SORT1: variants seen among roughly 807,000 people sequenced by gnomAD.
SORT1 encodes sortilin.
Under a neutral mutation model 101.7 loss-of-function variants are expected in SORT1, and 39 were observed. That is an observed-to-expected ratio of 0.38 (90% CI 0.30 to 0.50). The LOEUF is 0.50. Ranked by LOEUF, SORT1 falls within the 20% of genes least tolerant of loss-of-function variation. SORT1 has a pLI of 0.90. For synonymous variants in SORT1, 396 were observed against 393.7 expected, an observed-to-expected ratio of 1.01 and a Z score of -0.07; for missense variants, 878 against 1,040.4, an observed-to-expected ratio of 0.84 and a Z score of 2.15.
At chr1:109,326,510 C>CATATAT (rs34942536) in intron 13 of SORT1, among the ~76,000 whole-genome samples, 2 of 132,682 alleles carry the variant, frequency 1.5e-5, no homozygotes, top group African/African-American at 5.8e-5. Context: ...TATATACACA[C>CATATAT]ATACACATAT....
rs1184932557 is a variant in SORT1, at chr1:109,355,651, C to CA, written c.441-183_441-182insT. Among the ~76,000 whole-genome samples the CA allele has an allele frequency of 5.1e-5, 7 of 137,056 alleles. 1 individual carries two copies. Among genetic ancestry groups the CA allele is most frequent in the East Asian group, 5.3e-4 (2 of 3,748 alleles). 89.9% of individuals were successfully genotyped at this position (137,056 alleles called of 152,430 possible). On this transcript the variant is annotated intron_variant, in intron 3 of 19. Coordinates refer to ENST00000256637, the MANE Select transcript of SORT1 (RefSeq NM_002959.7). ...TCCGAAGAACATTCCACCCGCCCCCCCCCCCACAAACCCACTCACCAGTGA... is the reference window on the plus strand; with the variant it reads ...TCCGAAGAACATTCCACCCGCCCCCCACCCCCACAAACCCACTCACCAGTGA...
intron 11 of SORT1, among the ~76,000 whole-genome samples, chr1:109,330,891 T>C (rs935829964): frequency 3.9e-5 from 6 of 152,132 alleles, no homozygotes; most frequent in Non-Finnish European, 5.9e-5. Context: ...TCTAGACATA[T>C]ACAGCTTACC....
At chr1:109,376,779 G>T (rs1651885856) in intron 1 of SORT1, among the ~76,000 whole-genome samples, 1 of 152,012 alleles carries the variant, frequency 6.6e-6, no homozygotes, top group South Asian at 2.1e-4. Context: ...CTAACTTTTG[G>T]GTACTATGTT....
At chr1:109,323,789 G>A (rs1570893938) in intron 14 of SORT1, among the ~76,000 whole-genome samples, 1 of 152,222 alleles carries the variant, frequency 6.6e-6, no homozygotes, top group Admixed American at 6.5e-5. Context: ...CTAAAGAGCA[G>A]GTGCTTAACA....
intron 8 of SORT1, among the ~76,000 whole-genome samples, chr1:109,343,691 C>T (rs1649383502): frequency 6.6e-6 from 1 of 152,096 alleles, no homozygotes; most frequent in Non-Finnish European, 1.5e-5. Flanking sequence ...CTCTGTTTCC[C>T]AGGCTGGAGT....
At chr1:109,341,018 A>G in intron 9 of SORT1, 139 bp from the exon 10 acceptor site, 1 of 639,756 alleles carries the variant, frequency 1.6e-6, no homozygotes, top group Non-Finnish European at 2.6e-6. Context: ...CTCAGACCTG[A>G]GAATTAATCA....
chr1:109,363,332 G>A (rs1650859553), intron 3 of SORT1, among the ~76,000 whole-genome samples: 2 of 152,120 alleles, frequency 1.3e-5, no homozygotes, highest in Admixed American at 1.3e-4. Context: ...ATATGTGCAA[G>A]TGAGAGACAA....
At chr1:109,373,178 G>C (rs1030325224) in intron 1 of SORT1, among the ~76,000 whole-genome samples, 2 of 152,320 alleles carry the variant, frequency 1.3e-5, no homozygotes, top group South Asian at 4.1e-4. Context: ...TGAACAAGGA[G>C]GACCCTACAG....
chr1:109,358,050 G>A (rs1354875189), intron 3 of SORT1, among the ~76,000 whole-genome samples: 1 of 152,146 alleles, frequency 6.6e-6, no homozygotes. Context: ...CAAACCTGTT[G>A]GCAAGCCTGC....
Position 109,309,928 on chromosome 1 carries a change from G to A in SORT1, c.*4115C>T, listed in dbSNP as rs1658619639. 1 of 152,828 alleles carries A rather than the reference G, an allele frequency of 6.5e-6. No individual in the cohort carries two copies. The highest frequency in any genetic ancestry group is 2.1e-4 in the South Asian group (1 of 4,826). 9.5% of individuals were successfully genotyped at this position (152,828 alleles called of 1,614,324 possible). On this transcript the variant is annotated 3_prime_UTR_variant, in exon 20 of 20. Transcript: ENST00000256637. The stretch of plus-strand genomic sequence containing the variant: ...CCACATGCTCAGAAAGGGAACAAGA[G>A]AGAGGGCTGAACAACAGGCACATGG...
Position 109,316,916 on chromosome 1 carries a change from A to C in SORT1, c.2184T>G (p.Asn728Lys). ...TCAAGTCTTTTACTTCTCGAACTGG[A>C]TTTACCCCACCCTGGCATTTGTCCC... ...IPGDKCQGGV[N>K]PVREVKDLKK... Residue 728 changes from asparagine (N) to lysine (K), a missense_variant, in exon 17 of 20, where the codon AAT becomes AAG. Physicochemically the swap from Asn to Lys is moderately conservative, Grantham distance 94. This residue lies in a region of SORT1 where 684 missense variants were observed against 894.5 expected (regional missense o/e 0.76). Coordinates refer to ENST00000256637, the MANE Select transcript of SORT1 (RefSeq NM_002959.7). 6.2e-7 allele frequency: 1 copy of C among 1,611,478 alleles called. No homozygotes were observed. Among genetic ancestry groups the C allele is most frequent in the Non-Finnish European group, 8.5e-7 (1 of 1,179,006 alleles).
chr1:109,341,012 G>T lies in SORT1; in HGVS notation c.1109-133C>A, dbSNP rs555983307. On this transcript the variant is annotated intron_variant, in intron 9 of 19. Coordinates refer to ENST00000256637, the MANE Select transcript of SORT1 (RefSeq NM_002959.7). Reference sequence around the variant, plus strand: ...TGTGTCTCTTCATGATGAAGACTCAGACCTGAGAATTAATCAAGGTTTGAT... The same window carrying T: ...TGTGTCTCTTCATGATGAAGACTCATACCTGAGAATTAATCAAGGTTTGAT... The T allele has an allele frequency of 1.3e-3, 826 of 660,082 alleles. 1 individual carries two copies. Among genetic ancestry groups the T allele is most frequent in the Non-Finnish European group, 1.9e-3 (748 of 394,708 alleles). 40.9% of individuals were successfully genotyped at this position (660,082 alleles called of 1,614,324 possible). A position where few individuals can be genotyped will look rare whatever the true frequency, so the allele number is the denominator to read the frequency against.
chr1:109,348,904 G>A (rs1160471614), intron 6 of SORT1, among the ~76,000 whole-genome samples: 2 of 152,126 alleles, frequency 1.3e-5, no homozygotes, highest in African/African-American at 4.8e-5. Flanking sequence ...AGGAGGCAGA[G>A]GCTGCAATGA....
chr1:109,394,671 G>T (rs1653095786), intron 1 of SORT1, among the ~76,000 whole-genome samples: 1 of 152,184 alleles, frequency 6.6e-6, no homozygotes, highest in Non-Finnish European at 1.5e-5. Flanking sequence ...TCATTCTCCA[G>T]TCTGAATGAT....
chr1:109,361,534 A>G (rs1038304615), intron 3 of SORT1, among the ~76,000 whole-genome samples: 1 of 152,200 alleles, frequency 6.6e-6, no homozygotes, highest in Non-Finnish European at 1.5e-5. Context: ...ACAGCTATGT[A>G]GGCTTTTTCA....
At chr1:109,388,024 T>C (rs1652683413) in intron 1 of SORT1, among the ~76,000 whole-genome samples, 1 of 152,180 alleles carries the variant, frequency 6.6e-6, no homozygotes, top group African/African-American at 2.4e-5. Flanking sequence ...ACCCTCCTCT[T>C]TTTTCATCCT....
intron 3 of SORT1, among the ~76,000 whole-genome samples, chr1:109,364,513 C>T (rs1008785156): frequency 6.6e-6 from 1 of 152,160 alleles, no homozygotes; most frequent in East Asian, 1.9e-4. Context: ...ACAGCTACAA[C>T]CTAACTATCC....
rs1647578881 is a variant in SORT1, at chr1:109,320,831, G to C, written c.2024+2101C>G. ...AGGTTTTCCTGGTAAGTATTTAGGA[G>C]AGAGGGTATGGAGAACAAAAGATGC... On this transcript the variant is annotated intron_variant, in intron 15 of 19. Coordinates refer to ENST00000256637, the MANE Select transcript of SORT1 (RefSeq NM_002959.7). Among the ~76,000 whole-genome samples, 3 of 152,178 alleles carry C rather than the reference G, an allele frequency of 2.0e-5. No homozygotes were observed. In the South Asian group the frequency reaches 6.2e-4, roughly 32 times the overall value.
In SORT1 at chr1:109,309,842, T is replaced by C. The variant is rs1658614084; in HGVS notation, c.*4201A>G. 1 of 152,602 alleles carries C rather than the reference T, an allele frequency of 6.6e-6. No homozygotes were observed. Among genetic ancestry groups the C allele is most frequent in the African/African-American group, 2.4e-5 (1 of 41,458 alleles). 9.5% of individuals were successfully genotyped at this position (152,602 alleles called of 1,614,324 possible). A position where few individuals can be genotyped will look rare whatever the true frequency, so the allele number is the denominator to read the frequency against. On this transcript the variant is annotated 3_prime_UTR_variant, in exon 20 of 20. Transcript: ENST00000256637. The stretch of plus-strand genomic sequence containing the variant: ...TGGGTTTTTAGGGCACATGCAGTAA[T>C]GATCTTAATACTGCTTTACACTTTC...
Sources: allele counts gnomAD v4.1 joint callset (sites outside exome capture counted in the v4.1 genomes callset), GRCh38; gene constraint gnomAD v4.1.1; regional missense constraint gnomAD v4.1.1; transcripts MANE v1.5; gene names NCBI Gene and HGNC (gene_info 2026-07-23, HGNC 2026-07-21).